TMEM175: variants seen among roughly 807,000 people sequenced by gnomAD.
TMEM175 encodes the protein transmembrane protein 175, also known as endosomal/lysosomal proton channel TMEM175.
Under a neutral mutation model 36.5 loss-of-function variants are expected in TMEM175, and 36 were observed. The ratio of observed to expected loss-of-function variants is 0.99; its 90% CI spans 0.76 to 1.30. The LOEUF (loss-of-function observed/expected upper bound fraction) is 1.30. Ranked by LOEUF, TMEM175 falls within the 50% of genes most tolerant of loss-of-function variation. TMEM175 has a pLI of 0.00. For synonymous variants in TMEM175, 339 were observed against 313.4 expected (o/e 1.08, Z -0.86); for missense variants, 705 against 692.8 (o/e 1.02, Z -0.20).
chr4:947,938 C>A, intron 2 of TMEM175, 46 bp downstream of exon 2: 1 of 1,613,530 alleles, frequency 6.2e-7, no homozygotes. Context: ...CCGAGCCTCT[C>A]GAGGCACTGC....
rs1728376420 is a variant in TMEM175, at chr4:947,849, T to C, written c.110T>C (p.Leu37Pro). Residue 37 changes from leucine to proline, a missense_variant, in exon 2 of 11, where the codon CTC becomes CCC. Physicochemically the swap from Leu to Pro is moderately conservative, Grantham distance 98. Coordinates refer to ENST00000264771, the MANE Select transcript of TMEM175 (RefSeq NM_032326.4). ...GEGIQCSQRM[L>P]SFSDALLSII... Reference sequence around the variant, plus strand: ...GGGATCCAGTGCTCCCAACGCATGCTCAGCTTCAGTGACGCCCTGCTGTCC... The same window carrying C: ...GGGATCCAGTGCTCCCAACGCATGCCCAGCTTCAGTGACGCCCTGCTGTCC... 6.2e-7 allele frequency: 1 copy of C among 1,613,502 alleles called. No individual in the cohort carries two copies. The highest frequency in any genetic ancestry group is 8.5e-7 in the Non-Finnish European group (1 of 1,180,002).
At chr4:957,137 G>C (rs1029757008) in intron 10 of TMEM175, among the ~76,000 whole-genome samples, 14 of 152,190 alleles carry the variant, frequency 9.2e-5, no homozygotes, top group African/African-American at 3.1e-4. Context: ...TCCTGCCCTT[G>C]CTGCCTCCAG....
At chr4:957,798 C>A in intron 10 of TMEM175, 26 bp from the exon 11 acceptor site, 1 of 1,573,438 alleles carries the variant, frequency 6.4e-7, no homozygotes, top group Non-Finnish European at 8.6e-7. Context: ...AAGGCCGGCA[C>A]AAATGCATCT....
intron 4 of TMEM175, among the ~76,000 whole-genome samples, chr4:950,765 G>A (rs533226822): frequency 1.4e-5 from 2 of 141,424 alleles, no homozygotes; most frequent in South Asian, 2.3e-4. Flanking sequence ...AGGTGTGGAC[G>A]GTGTGGATGG....
chr4:953,068 G>A lies in TMEM175; in HGVS notation c.463-122G>A, dbSNP rs533795456. ...CCTGTGCGCGCGTGCCATGCAGCCC[G>A]GGGCCAGGTCCTCCCCACCTCGAGA... On this transcript the variant is annotated intron_variant, in intron 7 of 10. Transcript: ENST00000264771. The A allele has an allele frequency of 1.7e-4, 179 of 1,055,780 alleles. 3 individuals carry two copies. The South Asian group carries it at 2.3e-3, about 14-fold the overall frequency. The allele number at this position is 1,055,780 out of a possible 1,614,324, so 65.4% of individuals were successfully genotyped here.
At chr4:949,420 G>A (rs1168100668) in intron 3 of TMEM175, among the ~76,000 whole-genome samples, 1 of 152,218 alleles carries the variant, frequency 6.6e-6, no homozygotes, top group Non-Finnish European at 1.5e-5. Flanking sequence ...ACACATTTAT[G>A]TGAAGAGGGA....
chr4:947,257 G>C (rs1381884161), intron 1 of TMEM175, among the ~76,000 whole-genome samples: 1 of 141,704 alleles, frequency 7.1e-6, no homozygotes, highest in Admixed American at 7.1e-5. Context: ...GAGCGAGAGC[G>C]GGGGAGAGCG....
chr4:937,760 T>A (rs1435717857), intron 1 of TMEM175, among the ~76,000 whole-genome samples: 1 of 152,238 alleles, frequency 6.6e-6, no homozygotes, highest in African/African-American at 2.4e-5. Flanking sequence ...ATAATATCTC[T>A]TGTGAACATA....
intron 10 of TMEM175, among the ~76,000 whole-genome samples, chr4:957,404 C>G (rs532079890): frequency 9.3e-4 from 141 of 152,330 alleles, no homozygotes; most frequent in Non-Finnish European, 1.8e-3. Flanking sequence ...GAGGCAAGCC[C>G]TCTGCAGATC....
intron 7 of TMEM175, 101 bp downstream of exon 7, chr4:952,551 A>AG: frequency 9.3e-7 from 1 of 1,069,930 alleles, no homozygotes; most frequent in Non-Finnish European, 1.3e-6. Flanking sequence ...TAGGGGGCCC[A>AG]GGGGGCCTGC....
At chr4:937,563 C>CA (rs779579779) in intron 1 of TMEM175, among the ~76,000 whole-genome samples, 55 of 151,672 alleles carry the variant, frequency 3.6e-4, no homozygotes, top group Admixed American at 1.2e-3. Flanking sequence ...AACTCGATCT[C>CA]AAAAAAAAGA....
At chr4:943,586 C>G (rs1194405757) in intron 1 of TMEM175, among the ~76,000 whole-genome samples, 2 of 152,142 alleles carry the variant, frequency 1.3e-5, no homozygotes, top group African/African-American at 2.4e-5. Flanking sequence ...AACTGAGTAC[C>G]AGAGGAGATG....
intron 3 of TMEM175, chr4:948,498 T>G (rs1728469029): frequency 7.1e-7 from 1 of 1,415,022 alleles, no homozygotes; most frequent in Non-Finnish European, 9.3e-7. Flanking sequence ...AAGTTTCCTC[T>G]GCGGGAGGGC....
intron 1 of TMEM175, among the ~76,000 whole-genome samples, chr4:947,046 C>T (rs554347845): frequency 4.2e-5 from 6 of 142,844 alleles, no homozygotes; most frequent in Admixed American, 2.1e-4. Flanking sequence ...CACGCGTGCA[C>T]GGGCGCCGAG....
intron 7 of TMEM175, 86 bp from the exon 8 acceptor site, chr4:953,104 C>A (rs1480741934): frequency 1.4e-6 from 2 of 1,402,378 alleles, no homozygotes; most frequent in African/African-American, 1.4e-5. Context: ...CCCTTGCGTG[C>A]GTGTGCCATG....
intron 3 of TMEM175, among the ~76,000 whole-genome samples, chr4:949,809 C>T (rs972158676): frequency 6.6e-6 from 1 of 152,190 alleles, no homozygotes; most frequent in East Asian, 1.9e-4. Flanking sequence ...GACCCTTTCC[C>T]GTGGCTGCTT....
intron 1 of TMEM175, among the ~76,000 whole-genome samples, chr4:936,564 G>A (rs751373024): frequency 2.0e-5 from 3 of 152,124 alleles, no homozygotes; most frequent in Non-Finnish European, 2.9e-5. Context: ...AAGGATAATC[G>A]GGGACTATTA....
At chr4:947,180 G>A (rs899219357) in intron 1 of TMEM175, among the ~76,000 whole-genome samples, 2 of 147,260 alleles carry the variant, frequency 1.4e-5, no homozygotes, top group Non-Finnish European at 3.0e-5. Flanking sequence ...CACAGGTGCC[G>A]AGACTGAGGG....
chr4:951,828 G>A (rs1728927197), intron 6 of TMEM175, 111 bp downstream of exon 6: 2 of 1,198,528 alleles, frequency 1.7e-6, no homozygotes, highest in African/African-American at 1.5e-5. Flanking sequence ...CCACACGGTT[G>A]TAGAGAAGAG....
Sources: allele counts gnomAD v4.1 joint callset (sites outside exome capture counted in the v4.1 genomes callset), GRCh38; gene constraint gnomAD v4.1.1; transcripts MANE v1.5; gene names NCBI Gene and HGNC (gene_info 2026-07-23, HGNC 2026-07-21).